The following NFATC4 variants were observed in gnomAD, a reference collection of about 807,000 sequenced individuals.
NFATC4 encodes nuclear factor of activated T cells 4.
In NFATC4, 25 loss-of-function variants were observed where a neutral mutation model predicts 73.4. The observed-to-expected ratio is 0.34, with a 90% CI of 0.25 to 0.48. NFATC4 has a LOEUF of 0.48. Among genes scored for constraint, NFATC4 ranks in the 20% least tolerant of loss-of-function variants. The pLI, the probability that NFATC4 is intolerant of heterozygous loss-of-function variation, is 0.99. For synonymous variants in NFATC4, 523 were observed against 510.3 expected, an observed-to-expected ratio of 1.02 and a Z score of -0.34; for missense variants, 1,130 against 1,203.7, an observed-to-expected ratio of 0.94 and a Z score of 0.91.
At chr14:24,369,395 A>C (rs753470534) in intron 1 of NFATC4, 104 bp from the exon 2 acceptor site, 3 of 1,603,302 alleles carry the variant, frequency 1.9e-6, no homozygotes, top group Non-Finnish European at 2.5e-6. Context: ...GCTGAGGGGC[A>C]GGGAGCATAG....
rs2042689179 is a variant in NFATC4, at chr14:24,378,532, T to C, written c.*827T>C. 1 of 152,860 alleles carries C rather than the reference T, an allele frequency of 6.5e-6. No individual in the cohort carries two copies. Among genetic ancestry groups the C allele is most frequent in the Admixed American group, 6.5e-5 (1 of 15,280 alleles). 9.5% of individuals were successfully genotyped at this position (152,860 alleles called of 1,614,324 possible). ...CCTGGGCTCCTGTCCCCAGCCCCCA[T>C]TCAGACACGCTGACTCAGGAGGTCC... On this transcript the variant is annotated 3_prime_UTR_variant, in exon 10 of 10. Coordinates refer to ENST00000250373, the MANE Select transcript of NFATC4 (RefSeq NM_004554.5).
At chr14:24,374,973 T>C (rs2042572361) in intron 6 of NFATC4, among the ~76,000 whole-genome samples, 1 of 152,080 alleles carries the variant, frequency 6.6e-6, no homozygotes, top group Non-Finnish European at 1.5e-5. Flanking sequence ...CTTTTTTTTT[T>C]GGTAGCAGGA....
In NFATC4 at chr14:24,370,249, T is replaced by A. The variant is rs751915801; in HGVS notation, c.851T>A (p.Leu284Gln). 7.4e-6 allele frequency: 12 copies of A among 1,612,348 alleles called. No individual in the cohort carries two copies. The highest frequency in any genetic ancestry group is 1.0e-5 in the Non-Finnish European group (12 of 1,179,798). ...ACCCCATCTTCAGCCTCCCCAGCTC[T>A]GTCCCGCCGTGGCAGCCTGGGGGAA... ...SGTPSSASPA[L>Q]SRRGSLGEEG... Residue 284 changes from leucine (L) to glutamine (Q), a missense_variant, in exon 2 of 10, where the codon CTG (leucine) becomes CAG (glutamine). This residue lies in a region of NFATC4 where 585 missense variants were observed against 574.3 expected (regional missense o/e 1.02). Transcript: ENST00000250373.
intron 1 of NFATC4, chr14:24,369,127 T>G (rs1594700022): frequency 7.7e-6 from 11 of 1,421,194 alleles, no homozygotes; most frequent in Admixed American, 2.8e-5. Context: ...CGTTTGGGGG[T>G]TTGGGAACCG....
upstream of NFATC4, chr14:24,367,309 C>A: frequency 1.3e-6 from 2 of 1,550,458 alleles, no homozygotes; most frequent in Non-Finnish European, 1.7e-6. Context: ...CCCTAGTAAA[C>A]CTGGCAAGGA....
chr14:24,375,889 C>T (rs1188252478), intron 7 of NFATC4, 86 bp from the exon 8 acceptor site: 2 of 1,586,120 alleles, frequency 1.3e-6, no homozygotes, highest in Non-Finnish European at 1.7e-6. Flanking sequence ...ATGGAGAAGG[C>T]TAGGAGGTGG....
chr14:24,370,983 T>C (rs2042459945), intron 2 of NFATC4, among the ~76,000 whole-genome samples: 1 of 152,232 alleles, frequency 6.6e-6, no homozygotes, highest in Non-Finnish European at 1.5e-5. Flanking sequence ...TCTGGCCCTT[T>C]CAATAGGTGC....
chr14:24,369,408 G>T (rs778383318), intron 1 of NFATC4, 91 bp from the exon 2 acceptor site: 2 of 1,605,360 alleles, frequency 1.2e-6, no homozygotes, highest in Admixed American at 3.3e-5. Flanking sequence ...GAGCATAGAA[G>T]GACTTGCGGC....
At position 24,369,779 on chromosome 14, in the gene NFATC4, G is replaced by T; in HGVS notation, c.381G>T (p.Pro127=). 3 of 1,595,634 alleles carry T rather than the reference G, an allele frequency of 1.9e-6. No homozygotes were observed. Among genetic ancestry groups the T allele is most frequent in the South Asian group, 1.1e-5 (1 of 89,464 alleles). The stretch of plus-strand genomic sequence containing the variant: ...CCTCCATCTCTCCCACGCCGGAGCC[G>T]CCAGCAGCGCTGGAGGACAACCCTG... ...RITSISPTPE[P]PAALEDNPDA... The change falls in exon 2 of 10, where the codon CCG becomes CCT. Residue 127 remains proline (P), a synonymous_variant. Transcript: ENST00000250373.
rs1169117592 is a variant in NFATC4, at chr14:24,376,249, A to G, written c.2057-45A>G. 1 of 1,559,124 alleles carries G rather than the reference A, an allele frequency of 6.4e-7. No homozygotes were observed. Among genetic ancestry groups the G allele is most frequent in the Non-Finnish European group, 8.7e-7 (1 of 1,151,202 alleles). On this transcript the variant is annotated intron_variant, in intron 8 of 9. Coordinates refer to ENST00000250373, the MANE Select transcript of NFATC4 (RefSeq NM_004554.5). The surrounding 1 kb of genome is among the most constrained non-coding windows in gnomAD (Gnocchi z 5.0). ...CTGGAAGGTGTGCAGTGGGGAGACT[A>G]CCAGACCTCTCACCAGCATGTCCTC...
intron 2 of NFATC4, 31 bp downstream of exon 2, chr14:24,370,625 T>G (rs770565017): frequency 2.5e-6 from 4 of 1,578,010 alleles, no homozygotes; most frequent in Admixed American, 1.7e-5. Flanking sequence ...TACCGCTCTC[T>G]CTAGCCATTC....
upstream of NFATC4, chr14:24,367,297 G>T (rs1566458683): frequency 1.3e-6 from 2 of 1,562,170 alleles, no homozygotes. Context: ...GAGGTTTCAG[G>T]CCCCTAGTAA....
In NFATC4 at chr14:24,373,472, A is replaced by G; in HGVS notation, c.1559+102A>G. 1 of 1,456,364 alleles carries G rather than the reference A, an allele frequency of 6.9e-7. No homozygotes were observed. The highest frequency in any genetic ancestry group is 2.3e-5 in the East Asian group (1 of 43,330). The allele number at this position is 1,456,364 out of a possible 1,614,324, so 90.2% of individuals were successfully genotyped here. A position where few individuals can be genotyped will look rare whatever the true frequency, so the allele number is the denominator to read the frequency against. ...CTTCCTTTTCCCAGAAGAGGTAGAC[A>G]TTTTTCCTAGGAGCTGGCTTCAGGC... On this transcript the variant is annotated intron_variant, in intron 4 of 9. Transcript: ENST00000250373. This position sits in a 1 kb window ranked among gnomAD's most constrained non-coding sequence, Gnocchi z 4.7.
rs547488128 is a variant in NFATC4 at position 24,369,772 on chromosome 14, C to T, written c.374C>T (p.Pro125Leu). Residue 125 changes from proline (P) to leucine (L), a missense_variant, in exon 2 of 10, where the codon CCG becomes CTG. Physicochemically the swap from Pro to Leu is moderately conservative, Grantham distance 98 (BLOSUM62 -3). Around this residue, in one of 3 missense-constraint regions of NFATC4, gnomAD observed 585 missense variants for 574.3 expected, o/e 1.02. Transcript: ENST00000250373. ...SIRITSISPTPEPPAALEDNP... is the reference protein window; with the variant it reads ...SIRITSISPTLEPPAALEDNP... Reference sequence around the variant, plus strand: ...CGCATCACCTCCATCTCTCCCACGCCGGAGCCGCCAGCAGCGCTGGAGGAC... The same window carrying T: ...CGCATCACCTCCATCTCTCCCACGCTGGAGCCGCCAGCAGCGCTGGAGGAC... The T allele has an allele frequency of 1.1e-5, 17 of 1,597,440 alleles. No homozygotes were observed. The highest frequency in any genetic ancestry group is 5.3e-5 in the Admixed American group (3 of 56,952).
intron 1 of NFATC4, chr14:24,369,018 A>C: frequency 2.5e-6 from 3 of 1,202,480 alleles, no homozygotes; most frequent in Non-Finnish European, 3.1e-6. Context: ...CTAGATGGCG[A>C]GGAGAGAGGG....
At position 24,369,198 on chromosome 14, in the gene NFATC4, C is replaced by G. The variant is rs1432843222; in HGVS notation, c.101-301C>G. The G allele has an allele frequency of 4.6e-6, 7 of 1,523,318 alleles. No homozygotes were observed. The Admixed American group carries it at 6.0e-5, about 13-fold the overall frequency. The allele number at this position is 1,523,318 out of a possible 1,614,324, so 94.4% of individuals were successfully genotyped here. On this transcript the variant is annotated intron_variant, in intron 1 of 9. Coordinates refer to ENST00000250373, the MANE Select transcript of NFATC4 (RefSeq NM_004554.5). Reference sequence around the variant, plus strand: ...CCAGCCCAGTGCCTCAAGAAACACGCCTCCAGGCCCAGCCCCAGCTCCAGC... The same window carrying G: ...CCAGCCCAGTGCCTCAAGAAACACGGCTCCAGGCCCAGCCCCAGCTCCAGC...
At position 24,370,288 on chromosome 14, in the gene NFATC4, C is replaced by T; in HGVS notation, c.890C>T (p.Pro297Leu). ...AGCCTGGGGGAAGAGGGGTCTGAGC[C>T]ACCTCCACCACCCCCATTGCCTCTG... The part of the protein sequence containing the change: ...RGSLGEEGSE[P>L]PPPPPLPLAR... Residue 297 changes from proline to leucine, a missense_variant, in exon 2 of 10, where the codon CCA becomes CTA. Physicochemically the swap from Pro to Leu is moderately conservative, Grantham distance 98 (BLOSUM62 -3). Coordinates refer to ENST00000250373, the MANE Select transcript of NFATC4 (RefSeq NM_004554.5). The T allele has an allele frequency of 1.9e-6, 3 of 1,611,892 alleles. No individual in the cohort carries two copies. The highest frequency in any genetic ancestry group is 2.5e-6 in the Non-Finnish European group (3 of 1,178,784).
At chr14:24,366,998 T>C, upstream of NFATC4, 1 of 1,606,792 alleles carries the variant, frequency 6.2e-7, no homozygotes, top group African/African-American at 1.3e-5. Context: ...CGGAGGGATT[T>C]AGAGACTGGA....
At chr14:24,368,062 C>T, upstream of NFATC4, 1 of 1,119,586 alleles carries the variant, frequency 8.9e-7, no homozygotes, top group Non-Finnish European at 1.1e-6. Context: ...GGACGAGGGG[C>T]GCGTGGTTTT....
Sources: gnomAD v4.1 joint callset for allele counts (sites outside exome capture counted in the v4.1 genomes callset) on GRCh38, gnomAD v4.1.1 for gene constraint, gnomAD v4.1.1 regional missense constraint, Gnocchi (gnomAD v3.1) non-coding constraint, MANE v1.5 for transcripts, NCBI Gene and HGNC (gene_info 2026-07-23, HGNC 2026-07-21) for gene names.